SGMS1: variants seen among roughly 807,000 people sequenced by gnomAD.
SGMS1 encodes the protein sphingomyelin synthase 1.
In SGMS1, 13 loss-of-function variants were observed where a neutral mutation model predicts 46.2. The observed-to-expected ratio is 0.28, with a 90% confidence interval of 0.18 to 0.45. The LOEUF is 0.45. SGMS1 is among the 20% of genes least tolerant of loss of function. SGMS1 has a pLI of 1.00. For missense variants in SGMS1, 324 were observed against 519.9 expected (o/e 0.62, Z 3.66); for synonymous variants, 203 against 187.8 (o/e 1.08, Z -0.66).
At chr10:50,494,682 G>A (rs1167858011) in intron 3 of SGMS1, among the ~76,000 whole-genome samples, 1 of 152,106 alleles carries the variant, frequency 6.6e-6, no homozygotes, top group Non-Finnish European at 1.5e-5. Flanking sequence ...TGGATAGTAG[G>A]CTTAATATCT....
intron 8 of SGMS1, among the ~76,000 whole-genome samples, chr10:50,311,924 T>C (rs956571553): frequency 4.6e-5 from 7 of 152,186 alleles, no homozygotes; most frequent in South Asian, 4.1e-4. Context: ...AGGGATCATG[T>C]TGAAACAAGG....
chr10:50,351,095 T>C (rs914820774), intron 6 of SGMS1, among the ~76,000 whole-genome samples: 1 of 152,190 alleles, frequency 6.6e-6, no homozygotes. Flanking sequence ...AACACACCTT[T>C]TGCATCAGTG....
chr10:50,385,986 T>C (rs936755776), intron 6 of SGMS1, among the ~76,000 whole-genome samples: 5 of 152,100 alleles, frequency 3.3e-5, no homozygotes, highest in African/African-American at 9.7e-5. Flanking sequence ...GGCTATGACA[T>C]AGGACATCAA....
chr10:50,594,660 T>C (rs1468509006), intron 1 of SGMS1, among the ~76,000 whole-genome samples: 1 of 152,242 alleles, frequency 6.6e-6, no homozygotes, highest in Non-Finnish European at 1.5e-5. Flanking sequence ...ATGAAAATAG[T>C]AATTTTTACA....
At chr10:50,533,213 C>G (rs762870405) in intron 2 of SGMS1, among the ~76,000 whole-genome samples, 44 of 152,218 alleles carry the variant, frequency 2.9e-4, no homozygotes, top group Admixed American at 1.4e-3. Flanking sequence ...AAATCTTTGA[C>G]AAAGATGATG....
At chr10:50,477,246 A>T (rs970304468) in intron 3 of SGMS1, among the ~76,000 whole-genome samples, 4 of 152,198 alleles carry the variant, frequency 2.6e-5, no homozygotes, top group Non-Finnish European at 5.9e-5. Context: ...GAGGCAAAGG[A>T]GATTATTTTG....
chr10:50,449,663 G>A (rs373850428), intron 5 of SGMS1, among the ~76,000 whole-genome samples: 1 of 149,016 alleles, frequency 6.7e-6, no homozygotes, highest in East Asian at 2.0e-4. Context: ...GTGTGTGTGT[G>A]TACACACATG....
intron 6 of SGMS1, among the ~76,000 whole-genome samples, chr10:50,354,729 T>G (rs1484860465): frequency 6.6e-6 from 1 of 151,946 alleles, no homozygotes; most frequent in Non-Finnish European, 1.5e-5. Flanking sequence ...TACAATAAAC[T>G]GAAAGACATT....
At position 50,358,904 on chromosome 10, in the gene SGMS1, A is replaced by G. The variant is rs555957127; in HGVS notation, c.-231-14559T>C. Among the ~76,000 whole-genome samples the G allele has an allele frequency of 5.9e-5, 9 of 152,380 alleles. No individual in the cohort carries two copies. In the South Asian group the frequency reaches 1.9e-3, roughly 32 times the overall value. ...ATAGATTTGAAGAACAAAAATGGTT[A>G]AAGTAACAGCCACATAGTTTCAGCT... On this transcript the variant is annotated intron_variant, in intron 6 of 10. Transcript: ENST00000361781.
intron 1 of SGMS1, among the ~76,000 whole-genome samples, chr10:50,608,693 G>A (rs1181306006): frequency 6.6e-6 from 1 of 152,164 alleles, no homozygotes; most frequent in Non-Finnish European, 1.5e-5. Flanking sequence ...CTAATAACAA[G>A]TACAGAGAAA....
At chr10:50,547,580 C>T (rs1838112263) in intron 2 of SGMS1, among the ~76,000 whole-genome samples, 1 of 152,150 alleles carries the variant, frequency 6.6e-6, no homozygotes, top group African/African-American at 2.4e-5. Flanking sequence ...AAGCCCAGTA[C>T]CATATAGATT....
intron 3 of SGMS1, among the ~76,000 whole-genome samples, chr10:50,484,193 TA>T (rs1229834007): frequency 6.6e-6 from 1 of 151,338 alleles, no homozygotes; most frequent in Non-Finnish European, 1.5e-5. Flanking sequence ...CTAGACAAAA[TA>T]AAAAATGATA....
chr10:50,454,050 C>CAAAAAAAAAAAAAAAAAAAAAA (rs71846628), intron 5 of SGMS1, among the ~76,000 whole-genome samples: 2 of 98,000 alleles, frequency 2.0e-5, no homozygotes, highest in Non-Finnish European at 4.0e-5. Context: ...TTTACATAGG[C>CAAAAAAAAAAAAAAAAAAAAAA]AAAAAAAAAA....
At chr10:50,485,304 A>G (rs932264306) in intron 3 of SGMS1, among the ~76,000 whole-genome samples, 1 of 152,200 alleles carries the variant, frequency 6.6e-6, no homozygotes. Flanking sequence ...CAATTGCTAC[A>G]AAGAGAATAA....
chr10:50,616,094 A>T (rs1013187372), intron 1 of SGMS1, among the ~76,000 whole-genome samples: 1 of 152,162 alleles, frequency 6.6e-6, no homozygotes, highest in Non-Finnish European at 1.5e-5. Flanking sequence ...AAAAACAGAC[A>T]AAAGTATTAA....
At chr10:50,451,240 T>C in intron 5 of SGMS1, among the ~76,000 whole-genome samples, 1 of 152,200 alleles carries the variant, frequency 6.6e-6, no homozygotes, top group East Asian at 1.9e-4. Flanking sequence ...AAATTTCTAA[T>C]CATAATGTAG....
At chr10:50,460,509 A>G (rs1423343806) in intron 5 of SGMS1, among the ~76,000 whole-genome samples, 164 bp downstream of exon 5, 2 of 152,204 alleles carry the variant, frequency 1.3e-5, no homozygotes, top group Non-Finnish European at 2.9e-5. Flanking sequence ...CCACACAGTC[A>G]AGGTTACAGA....
intron 3 of SGMS1, among the ~76,000 whole-genome samples, chr10:50,514,280 T>G (rs897896821): frequency 1.1e-4 from 16 of 152,204 alleles, no homozygotes; most frequent in Non-Finnish European, 1.5e-4. Context: ...TACCAAACCT[T>G]GACACGATAA....
At chr10:50,554,135 C>A (rs1362863566) in intron 2 of SGMS1, among the ~76,000 whole-genome samples, 1 of 152,116 alleles carries the variant, frequency 6.6e-6, no homozygotes, top group Non-Finnish European at 1.5e-5. Flanking sequence ...ATGGGATCAC[C>A]ATTAGTCAAG....
Sources: gnomAD v4.1 joint callset for allele counts (sites outside exome capture counted in the v4.1 genomes callset) on GRCh38, gnomAD v4.1.1 for gene constraint, MANE v1.5 for transcripts, NCBI Gene and HGNC (gene_info 2026-07-23, HGNC 2026-07-21) for gene names.